The following UBP1 variants were observed in gnomAD, a reference collection of about 807,000 sequenced individuals.
The protein encoded by UBP1 is upstream binding protein 1.
UBP1 carries 22 observed loss-of-function variants against 76.1 expected under a neutral mutation model. The observed-to-expected ratio is 0.29, with a 90% CI of 0.21 to 0.41. The LOEUF is 0.41. Ranked by LOEUF, UBP1 falls within the 10% of genes least tolerant of loss-of-function variation. UBP1 has a pLI of 1.00. For synonymous variants in UBP1, 224 were observed against 237.1 expected (o/e 0.94, Z 0.51); for missense variants, 436 against 668.1 (o/e 0.65, Z 3.83).
intron 1 of UBP1, among the ~76,000 whole-genome samples, chr3:33,437,942 A>G (rs1276778718): frequency 1.3e-5 from 2 of 152,244 alleles, no homozygotes; most frequent in Non-Finnish European, 2.9e-5. Context: ...TAAATACGAA[A>G]AAAAAACCTT....
At chr3:33,418,097 T>G (rs1178660671) in intron 2 of UBP1, among the ~76,000 whole-genome samples, 2 of 152,200 alleles carry the variant, frequency 1.3e-5, no homozygotes, top group South Asian at 4.1e-4. Context: ...TGGATCTATA[T>G]TCTGAAAACA....
chr3:33,413,426 A>T (rs570026326), intron 3 of UBP1, among the ~76,000 whole-genome samples: 1 of 151,840 alleles, frequency 6.6e-6, no homozygotes, highest in Admixed American at 6.6e-5. Context: ...GGGCGCCTGT[A>T]GTACCAGCTA....
At chr3:33,411,336 T>A (rs1003549353) in intron 5 of UBP1, among the ~76,000 whole-genome samples, 6 of 152,182 alleles carry the variant, frequency 3.9e-5, no homozygotes, top group African/African-American at 1.4e-4. Context: ...ACATTTTCAT[T>A]ATTGGGACTA....
chr3:33,432,094 G>A (rs754585333), intron 1 of UBP1, among the ~76,000 whole-genome samples: 5 of 152,164 alleles, frequency 3.3e-5, no homozygotes, highest in African/African-American at 7.2e-5. Context: ...TTGGGAGGCC[G>A]AGACAGGCGG....
chr3:33,399,318 A>C (rs1340502555), intron 11 of UBP1, among the ~76,000 whole-genome samples: 1 of 152,202 alleles, frequency 6.6e-6, no homozygotes, highest in African/African-American at 2.4e-5. Flanking sequence ...CTGTCCCTCT[A>C]AACAGGTTTC....
chr3:33,394,820 T>TTTG (rs1243578064), intron 13 of UBP1, among the ~76,000 whole-genome samples: 34 of 130,550 alleles, frequency 2.6e-4, no homozygotes, highest in Non-Finnish European at 5.2e-4. Flanking sequence ...TCCACTTGTT[T>TTTG]TTTTTTTTTT....
intron 2 of UBP1, among the ~76,000 whole-genome samples, chr3:33,422,929 G>C (rs755349140): frequency 3.3e-5 from 5 of 151,960 alleles, no homozygotes; most frequent in Non-Finnish European, 5.9e-5. Flanking sequence ...TCTGTGCAAA[G>C]CACAACACAC....
rs777010384 is a variant in UBP1 at position 33,401,014 on chromosome 3, T to C, written c.1034A>G (p.Asn345Ser). ...TCCCTGATGATTTGGGGAAGAAGAATTGCTGGGGAGAAAGGAGAAAGAAGG... is the reference window on the plus strand; with the variant it reads ...TCCCTGATGATTTGGGGAAGAAGAACTGCTGGGGAGAAAGGAGAAAGAAGG... ...QQSTCSVPDS[N>S]SSSPNHQGDG... Residue 345 changes from asparagine to serine, a missense_variant and splice_region_variant, in exon 10 of 16, where the codon AAT (asparagine) becomes AGT (serine). By Grantham distance (46) the Asn-to-Ser change is conservative. This residue lies in a region of UBP1 where 210 missense variants were observed against 272.8 expected (regional missense o/e 0.77). Transcript: ENST00000283629. 1.1e-5 allele frequency: 17 copies of C among 1,591,496 alleles called. No individual in the cohort carries two copies. Among genetic ancestry groups the C allele is most frequent in the Non-Finnish European group, 1.3e-5 (15 of 1,171,870 alleles).
intron 13 of UBP1, among the ~76,000 whole-genome samples, chr3:33,395,269 T>C (rs1400652377): frequency 6.6e-6 from 1 of 152,074 alleles, no homozygotes; most frequent in Non-Finnish European, 1.5e-5. Context: ...CACAAGACAT[T>C]TTTCAGAGCT....
At position 33,425,573 on chromosome 3, in the gene UBP1, G is replaced by A. The variant is rs115374328; in HGVS notation, c.265+17C>T. The A allele has an allele frequency of 8.9e-4, 1,331 of 1,500,946 alleles. No homozygotes were observed. The highest frequency in any genetic ancestry group is 1.1e-3 in the Non-Finnish European group (1,239 of 1,103,722). The allele number at this position is 1,500,946 out of a possible 1,614,324, so 93.0% of individuals were successfully genotyped here. ...CTGTAAATTCTTACATGTCAAATGT[G>A]ACATAACCACACTAACCTTGGTTCA... On this transcript the variant is annotated intron_variant, in intron 2 of 15. Coordinates refer to ENST00000283629, the MANE Select transcript of UBP1 (RefSeq NM_014517.5).
chr3:33,401,172 C>T (rs2044215204), intron 9 of UBP1, among the ~76,000 whole-genome samples, 156 bp from the exon 10 acceptor site: 1 of 152,152 alleles, frequency 6.6e-6, no homozygotes, highest in African/African-American at 2.4e-5. Flanking sequence ...GCAAGCGCAA[C>T]AGCTTAGGGT....
At chr3:33,425,018 C>T (rs1283575053) in intron 2 of UBP1, among the ~76,000 whole-genome samples, 1 of 152,040 alleles carries the variant, frequency 6.6e-6, no homozygotes, top group Non-Finnish European at 1.5e-5. Context: ...GCACTCCAGC[C>T]TGGGCGATAG....
intron 8 of UBP1, among the ~76,000 whole-genome samples, chr3:33,406,101 C>A (rs2044413300): frequency 1.3e-5 from 2 of 152,150 alleles, no homozygotes; most frequent in Admixed American, 1.3e-4. Context: ...CACAACAATG[C>A]CCATTCTTTT....
intron 1 of UBP1, among the ~76,000 whole-genome samples, chr3:33,429,743 G>A (rs1201206395): frequency 6.6e-6 from 1 of 152,196 alleles, no homozygotes; most frequent in African/African-American, 2.4e-5. Flanking sequence ...CAACAAGCTT[G>A]ATCAAATGAA....
chr3:33,400,367 G>T, intron 10 of UBP1, 85 bp from the exon 11 acceptor site: 2 of 1,107,782 alleles, frequency 1.8e-6, no homozygotes, highest in Non-Finnish European at 1.3e-6. Flanking sequence ...CTCGGAGTCT[G>T]AAGTAAAAAA....
At chr3:33,411,539 A>G in intron 5 of UBP1, 42 bp downstream of exon 5, 4 of 1,544,742 alleles carry the variant, frequency 2.6e-6, no homozygotes, top group South Asian at 1.1e-5. Context: ...CATGACCTAA[A>G]TAACTAGGTT....
At chr3:33,419,412 G>C (rs896700840) in intron 2 of UBP1, among the ~76,000 whole-genome samples, 1 of 151,956 alleles carries the variant, frequency 6.6e-6, no homozygotes, top group Non-Finnish European at 1.5e-5. Flanking sequence ...GGCGGATCAC[G>C]AGGTCAGGAG....
At chr3:33,392,080 C>G (rs1008287159) in intron 15 of UBP1, 1 of 152,982 alleles carries the variant, frequency 6.5e-6, no homozygotes, top group African/African-American at 2.4e-5. Context: ...CTTCAAGTCT[C>G]AGGATTAATA....
intron 4 of UBP1, 40 bp from the exon 5 acceptor site, chr3:33,411,727 AAAT>A (rs1344182246): frequency 3.3e-6 from 5 of 1,513,688 alleles, no homozygotes; most frequent in Non-Finnish European, 4.6e-6. Context: ...CATCCACTTT[AAAT>A]AACTTAAAAA....
Sources: gnomAD v4.1 joint callset for allele counts (sites outside exome capture counted in the v4.1 genomes callset) on GRCh38, gnomAD v4.1.1 for gene constraint, gnomAD v4.1.1 regional missense constraint, MANE v1.5 for transcripts, NCBI Gene and HGNC (gene_info 2026-07-23, HGNC 2026-07-21) for gene names.